Variants in LRRIQ3 observed in about 807,000 individuals in gnomAD.
LRRIQ3 encodes the protein leucine rich repeats and IQ motif containing 3, also known as leucine-rich repeat and IQ domain-containing protein 3.
Under a neutral mutation model 59.3 loss-of-function variants are expected in LRRIQ3, and 75 were observed. The ratio of observed to expected loss-of-function variants is 1.26; its 90% CI spans 1.05 to 1.53. LRRIQ3 has a LOEUF of 1.53. Ranked by LOEUF, LRRIQ3 falls within the 40% of genes most tolerant of loss-of-function variation. The pLI is 0.00. For missense variants in LRRIQ3, 831 were observed against 710.0 expected (o/e 1.17, Z -1.94); for synonymous variants, 250 against 231.3 (o/e 1.08, Z -0.73).
At chr1:74,173,264 T>C (rs1247418310) in intron 3 of LRRIQ3, among the ~76,000 whole-genome samples, 1 of 101,210 alleles carries the variant, frequency 9.9e-6, no homozygotes, top group Non-Finnish European at 2.0e-5. Context: ...GCCACTGCAC[T>C]CCAGACTGGG....
At chr1:74,150,606 T>C (rs968579153) in intron 4 of LRRIQ3, among the ~76,000 whole-genome samples, 7 of 152,132 alleles carry the variant, frequency 4.6e-5, no homozygotes, top group Non-Finnish European at 7.4e-5. Context: ...AAACCTAGTT[T>C]ATTATAGCCC....
intron 6 of LRRIQ3, among the ~76,000 whole-genome samples, chr1:74,053,687 T>C (rs1654440595): frequency 6.6e-6 from 1 of 151,794 alleles, no homozygotes; most frequent in African/African-American, 2.4e-5. Context: ...ACCTTGTCTC[T>C]AAAAGCAAAT....
chr1:74,162,801 T>C (rs562306523), intron 3 of LRRIQ3, among the ~76,000 whole-genome samples: 274 of 151,712 alleles, frequency 1.8e-3, no homozygotes, highest in Admixed American at 4.1e-3. Context: ...TTTGATCTCA[T>C]AGAAGTAAAA....
intron 1 of LRRIQ3, among the ~76,000 whole-genome samples, chr1:74,193,363 G>T (rs761330451): frequency 5.9e-5 from 9 of 151,982 alleles, no homozygotes; most frequent in Non-Finnish European, 1.2e-4. Context: ...TCCTTAGTTT[G>T]TATCAACTAA....
At chr1:74,069,019 A>G (rs1254833883) in intron 6 of LRRIQ3, among the ~76,000 whole-genome samples, 1 of 152,046 alleles carries the variant, frequency 6.6e-6, no homozygotes, top group Non-Finnish European at 1.5e-5. Flanking sequence ...CAAAGTATAT[A>G]ATGAAGGTAA....
At chr1:74,163,058 A>G (rs1557647533) in intron 3 of LRRIQ3, among the ~76,000 whole-genome samples, 1 of 151,626 alleles carries the variant, frequency 6.6e-6, no homozygotes, top group East Asian at 1.9e-4. Context: ...AACTATGCTG[A>G]TTGGATCACT....
intron 5 of LRRIQ3, among the ~76,000 whole-genome samples, chr1:74,075,431 G>T (rs9793268): frequency 0.039 from 5,887 of 152,162 alleles, 146 homozygotes; most frequent in South Asian, 0.13. Flanking sequence ...GCCAGGTGTG[G>T]TGGTGCATGC....
intron 6 of LRRIQ3, among the ~76,000 whole-genome samples, chr1:74,074,174 T>C (rs1168746123): frequency 4.6e-5 from 7 of 152,156 alleles, no homozygotes; most frequent in Non-Finnish European, 7.4e-5. Context: ...TCCCAACTTC[T>C]ACCCCAAATG....
intron 4 of LRRIQ3, among the ~76,000 whole-genome samples, chr1:74,139,084 A>AGG (rs2100632078): frequency 7.2e-6 from 1 of 139,018 alleles, no homozygotes; most frequent in South Asian, 2.4e-4. Flanking sequence ...ACATATATGT[A>AGG]TGTGTGTGTG....
intron 4 of LRRIQ3, among the ~76,000 whole-genome samples, chr1:74,118,061 A>C (rs1161735270): frequency 2.0e-5 from 3 of 152,114 alleles, no homozygotes; most frequent in Non-Finnish European, 2.9e-5. Flanking sequence ...ATGGAATAAT[A>C]TCTAATACTA....
At chr1:74,132,088 CAG>C (rs759371739) in intron 4 of LRRIQ3, among the ~76,000 whole-genome samples, 1 of 152,022 alleles carries the variant, frequency 6.6e-6, no homozygotes, top group Non-Finnish European at 1.5e-5. Context: ...CAATAACAGA[CAG>C]AGAGCCAAAT....
chr1:74,079,171 T>C (rs560376115), intron 5 of LRRIQ3, among the ~76,000 whole-genome samples: 45 of 151,800 alleles, frequency 3.0e-4, no homozygotes, highest in Non-Finnish European at 5.5e-4. Context: ...CTTTTAGCTT[T>C]AAGTCCTCCT....
At chr1:74,060,188 T>TTTCCTC (rs1654666387) in intron 6 of LRRIQ3, among the ~76,000 whole-genome samples, 2 of 111,518 alleles carry the variant, frequency 1.8e-5, no homozygotes, top group Non-Finnish European at 2.0e-5. Context: ...TCTTCTTCTT[T>TTTCCTC]TTCTTCTTCT....
intron 5 of LRRIQ3, among the ~76,000 whole-genome samples, chr1:74,087,414 T>G (rs796943): frequency 8.0e-6 from 1 of 124,426 alleles, no homozygotes; most frequent in African/African-American, 2.9e-5. Flanking sequence ...TTTTACTTTT[T>G]GGCTTTCATT....
chr1:74,109,625 T>C (rs1009613291), intron 4 of LRRIQ3, 72 bp from the exon 5 acceptor site: 32 of 1,222,874 alleles, frequency 2.6e-5, no homozygotes, highest in African/African-American at 4.7e-5. Context: ...TAGTCATGAG[T>C]TCACTTACAT....
At chr1:74,166,577 G>T (rs1649003475) in intron 3 of LRRIQ3, among the ~76,000 whole-genome samples, 1 of 151,518 alleles carries the variant, frequency 6.6e-6, no homozygotes, top group African/African-American at 2.4e-5. Flanking sequence ...CCTTCTGCTG[G>T]CTTTGGGTTA....
chr1:74,108,348 T>A (rs796264255), intron 5 of LRRIQ3, among the ~76,000 whole-genome samples: 35 of 151,892 alleles, frequency 2.3e-4, no homozygotes, highest in African/African-American at 8.4e-4. Context: ...ATACACACTA[T>A]CATCTGGAGC....
Position 74,183,671 on chromosome 1 carries a change from G to T in LRRIQ3, c.14C>A (p.Thr5Lys). ...ATGACTGGTTAGCTCTTCTGTGACT[G>T]TTCCATGAAACATCTAGGAAAGATA... MFHG[T>K]VTEELTSHEE... Residue 5 changes from threonine (T) to lysine (K), a missense_variant, in exon 2 of 8, where the codon ACA becomes AAA. By Grantham distance (78) the Thr-to-Lys change is moderately conservative. Transcript: ENST00000354431. 2.6e-6 allele frequency: 4 copies of T among 1,558,366 alleles called. No individual in the cohort carries two copies. Among genetic ancestry groups the T allele is most frequent in the Non-Finnish European group, 3.5e-6 (4 of 1,153,734 alleles).
chr1:74,095,106 CTTT>C (rs1442238672), intron 5 of LRRIQ3: 1 of 152,084 alleles, frequency 6.6e-6, no homozygotes, highest in Non-Finnish European at 1.5e-5. Flanking sequence ...ACCTCTTCTT[CTTT>C]ATTTCCTCTT....
Sources: gnomAD v4.1 joint callset for allele counts (sites outside exome capture counted in the v4.1 genomes callset) on GRCh38, gnomAD v4.1.1 for gene constraint, MANE v1.5 for transcripts, NCBI Gene and HGNC (gene_info 2026-07-23, HGNC 2026-07-21) for gene names.